The following GRK5 variants were observed in gnomAD, a reference collection of about 807,000 sequenced individuals.
The protein encoded by GRK5 is g protein-coupled receptor kinase GRK5.
A neutral mutation model predicts 78.4 loss-of-function variants in GRK5; 40 were observed. The observed-to-expected ratio is 0.51, with a 90% CI of 0.40 to 0.66. The LOEUF is 0.66. Ranked by LOEUF, GRK5 falls within the 30% of genes least tolerant of loss-of-function variation. The probability of loss-of-function intolerance (pLI) is 0.00; values close to 1 mark genes in which losing one functional copy is unlikely to be tolerated. For missense variants in GRK5, 598 were observed against 759.9 expected, an observed-to-expected ratio of 0.79 and a Z score of 2.50; for synonymous variants, 289 against 296.8, an observed-to-expected ratio of 0.97 and a Z score of 0.27.
chr10:119,231,129 A>G (rs1325801593), intron 1 of GRK5, among the ~76,000 whole-genome samples: 1 of 152,186 alleles, frequency 6.6e-6, no homozygotes, highest in Non-Finnish European at 1.5e-5. Context: ...ACAGAGTGAA[A>G]AGACAACACA....
At chr10:119,385,123 GA>G (rs1284732144) in intron 3 of GRK5, among the ~76,000 whole-genome samples, 1 of 152,118 alleles carries the variant, frequency 6.6e-6, no homozygotes, top group Non-Finnish European at 1.5e-5. Flanking sequence ...GGGGAGGGAG[GA>G]GGGGCAGAGG....
At chr10:119,373,197 T>C (rs994816239) in intron 2 of GRK5, among the ~76,000 whole-genome samples, 4 of 152,214 alleles carry the variant, frequency 2.6e-5, no homozygotes, top group Non-Finnish European at 5.9e-5. Flanking sequence ...TTCTTTTCCA[T>C]AGATAGCTGG....
chr10:119,242,296 C>T (rs1849039671), intron 1 of GRK5, among the ~76,000 whole-genome samples: 1 of 151,852 alleles, frequency 6.6e-6, no homozygotes, highest in Non-Finnish European at 1.5e-5. Context: ...GGTGGGGAGC[C>T]CGATCTAGCT....
At chr10:119,376,801 A>G (rs1019043338) in intron 2 of GRK5, among the ~76,000 whole-genome samples, 1 of 152,126 alleles carries the variant, frequency 6.6e-6, no homozygotes, top group Non-Finnish European at 1.5e-5. Context: ...TCCTGACCTC[A>G]GGTGATCCAC....
chr10:119,339,267 A>C (rs1395661765), intron 2 of GRK5, among the ~76,000 whole-genome samples: 2 of 152,194 alleles, frequency 1.3e-5, no homozygotes, highest in African/African-American at 4.8e-5. Flanking sequence ...GGGGGACCTC[A>C]AGCCAACACA....
At chr10:119,427,962 G>T (rs1044805960) in intron 6 of GRK5, among the ~76,000 whole-genome samples, 1 of 142,270 alleles carries the variant, frequency 7.0e-6, no homozygotes, top group Non-Finnish European at 1.5e-5. Flanking sequence ...CAGCCTCACT[G>T]CCATCATCAG....
intron 6 of GRK5, among the ~76,000 whole-genome samples, chr10:119,426,005 C>T (rs570809662): frequency 1.8e-4 from 28 of 152,328 alleles, no homozygotes; most frequent in Non-Finnish European, 3.5e-4. Flanking sequence ...AAATCCATGC[C>T]GGGCCGAGCT....
At chr10:119,390,660 A>G (rs1001385699) in intron 3 of GRK5, among the ~76,000 whole-genome samples, 1 of 152,218 alleles carries the variant, frequency 6.6e-6, no homozygotes, top group Non-Finnish European at 1.5e-5. Flanking sequence ...GCACCACTGC[A>G]TTCCAGCCTG....
chr10:119,426,321 G>A (rs976549554), intron 6 of GRK5, among the ~76,000 whole-genome samples: 1 of 152,036 alleles, frequency 6.6e-6, no homozygotes, highest in African/African-American at 2.4e-5. Flanking sequence ...ACCAGAGATA[G>A]TCTCCTTAGT....
intron 1 of GRK5, among the ~76,000 whole-genome samples, chr10:119,231,715 A>T (rs1848833044): frequency 6.6e-6 from 1 of 151,890 alleles, no homozygotes; most frequent in Non-Finnish European, 1.5e-5. Context: ...TCAAAAAAAA[A>T]AAAAAAAAGA....
At position 119,458,961 on chromosome 10, in the gene GRK5, A is replaced by C. The variant is rs780610021; in HGVS notation, c.*3894A>C. 11 of 152,132 alleles carry C rather than the reference A, an allele frequency of 7.2e-5. No homozygotes were observed. Among genetic ancestry groups the C allele is most frequent in the Admixed American group, 2.0e-4 (3 of 15,272 alleles). The allele number at this position is 152,132 out of a possible 1,614,324, so 9.4% of individuals were successfully genotyped here. On this transcript the variant is annotated 3_prime_UTR_variant, in exon 16 of 16. Transcript: ENST00000392870. ...CTCTGAGAAGAAGAGGAAACACCTG[A>C]GTGACACTCAGCTGTCCTCTGGGGT...
At chr10:119,226,547 C>CT (rs869156632) in intron 1 of GRK5, among the ~76,000 whole-genome samples, 4,342 of 125,010 alleles carry the variant, frequency 0.035, 108 homozygotes, top group South Asian at 0.09. Flanking sequence ...GTCTCTGTAT[C>CT]TTTTTTTTTT....
In GRK5 at chr10:119,241,895, G is replaced by C. The variant is rs190122969; in HGVS notation, c.52+33926G>C. On this transcript the variant is annotated intron_variant, in intron 1 of 15. Transcript: ENST00000392870. ...GGCTCAAGGAGGCAGCTAGGATTTG[G>C]GGCTTATATACCATCTTAGGCTAAA... is the stretch of plus-strand genomic sequence containing the variant. Among the ~76,000 whole-genome samples the C allele has an allele frequency of 8.5e-5, 13 of 152,276 alleles. No individual in the cohort carries two copies. In the East Asian group the frequency reaches 2.3e-3, roughly 27 times the overall value.
At chr10:119,364,941 C>G (rs1851421764) in intron 2 of GRK5, among the ~76,000 whole-genome samples, 1 of 152,096 alleles carries the variant, frequency 6.6e-6, no homozygotes. Flanking sequence ...TTTGATCATC[C>G]TAATTATTTT....
At chr10:119,408,628 T>C (rs1002391598) in intron 4 of GRK5, among the ~76,000 whole-genome samples, 2 of 152,182 alleles carry the variant, frequency 1.3e-5, no homozygotes, top group African/African-American at 4.8e-5. Flanking sequence ...TCCATTTCTA[T>C]GAGGTATCTA....
rs148073722 is a variant in GRK5 at position 119,449,906 on chromosome 10, C to T, written c.1404+1646C>T. Among the ~76,000 whole-genome samples the T allele has an allele frequency of 4.9e-3, 739 of 152,318 alleles. 1 individual carries two copies. The highest frequency in any genetic ancestry group is 0.017 in the Middle Eastern group (5 of 294). On this transcript the variant is annotated intron_variant, in intron 13 of 15. Transcript: ENST00000392870. ...TCTCGACCCTGGCTGCCTGGCGAAC[C>T]GCCTGGGGAGCATGAACAACACTCG...
intron 9 of GRK5, among the ~76,000 whole-genome samples, chr10:119,439,014 A>G (rs1383312209): frequency 2.6e-5 from 4 of 152,214 alleles, no homozygotes; most frequent in Admixed American, 6.5e-5. Context: ...TGTTTGCCCC[A>G]TGGCTTAACT....
chr10:119,262,446 C>T (rs3858338), intron 1 of GRK5, among the ~76,000 whole-genome samples: 91,157 of 149,788 alleles, frequency 0.61, 28,036 homozygotes, highest in East Asian at 0.77. Context: ...TCAAGCAATT[C>T]TCCTGCCTCA....
At chr10:119,453,498 C>G (rs1294366891) in intron 15 of GRK5, among the ~76,000 whole-genome samples, 1 of 152,226 alleles carries the variant, frequency 6.6e-6, no homozygotes, top group African/African-American at 2.4e-5. Flanking sequence ...TTCACCCTCC[C>G]TCTGGGTTTC....
Sources: allele counts gnomAD v4.1 joint callset (sites outside exome capture counted in the v4.1 genomes callset), GRCh38; gene constraint gnomAD v4.1.1; transcripts MANE v1.5; gene names NCBI Gene and HGNC (gene_info 2026-07-23, HGNC 2026-07-21).